Variants in KHDRBS2 observed in about 807,000 individuals in gnomAD.
KHDRBS2 encodes the protein KH RNA binding domain containing, signal transduction associated 2.
A neutral mutation model predicts 44.3 loss-of-function variants in KHDRBS2; 26 were observed. The ratio of observed to expected loss-of-function variants is 0.59; its 90% CI spans 0.43 to 0.81. KHDRBS2 has a LOEUF of 0.81. Among genes scored for constraint, KHDRBS2 ranks in the 40% least tolerant of loss-of-function variants. KHDRBS2 has a pLI of 0.00. For missense variants in KHDRBS2, 476 were observed against 433.1 expected (o/e 1.10, Z -0.88); for synonymous variants, 194 against 151.1 (o/e 1.28, Z -2.08).
the KHDRBS2 span, among the ~76,000 whole-genome samples, chr6:61,585,116 A>G: frequency 2.0e-5 from 3 of 152,000 alleles, no homozygotes; most frequent in African/African-American, 7.2e-5. Context: ...ACTTGAATGC[A>G]ATGTTATTTT....
intron 6 of KHDRBS2, among the ~76,000 whole-genome samples, chr6:61,822,212 A>C (rs1790027440): frequency 6.6e-6 from 1 of 151,924 alleles, no homozygotes; most frequent in Non-Finnish European, 1.5e-5. Context: ...CCTCCAAATC[A>C]GTCTATCGAA....
intron 2 of KHDRBS2, among the ~76,000 whole-genome samples, chr6:62,062,185 T>A (rs1440207595): frequency 6.7e-6 from 1 of 148,552 alleles, no homozygotes; most frequent in Non-Finnish European, 1.5e-5. Context: ...AATGGGAGAC[T>A]TTAACACCCC....
At chr6:61,560,857 T>C in the KHDRBS2 span, among the ~76,000 whole-genome samples, 2 of 152,176 alleles carry the variant, frequency 1.3e-5, no homozygotes, top group African/African-American at 4.8e-5. Flanking sequence ...TTTTCCTGGA[T>C]GGTGTTGATG....
intron 1 of KHDRBS2, among the ~76,000 whole-genome samples, chr6:62,251,560 T>TTTA (rs1440651612): frequency 6.6e-6 from 1 of 151,920 alleles, no homozygotes; most frequent in Admixed American, 6.6e-5. Context: ...TCCCTACACT[T>TTTA]ACAACAATTC....
intron 6 of KHDRBS2, among the ~76,000 whole-genome samples, chr6:61,745,599 T>C (rs1284013889): frequency 6.6e-6 from 1 of 152,154 alleles, no homozygotes; most frequent in African/African-American, 2.4e-5. Context: ...CAGATAAAAT[T>C]GTTAATGCTG....
intron 3 of KHDRBS2, among the ~76,000 whole-genome samples, chr6:62,045,699 A>C (rs1787520358): frequency 6.6e-6 from 1 of 152,040 alleles, no homozygotes; most frequent in African/African-American, 2.4e-5. Context: ...CTTTTATTGC[A>C]CAATCCCATG....
At chr6:61,771,987 A>C (rs889107137) in intron 6 of KHDRBS2, among the ~76,000 whole-genome samples, 23 of 152,152 alleles carry the variant, frequency 1.5e-4, no homozygotes, top group African/African-American at 4.3e-4. Context: ...AACAAACTGT[A>C]TCTCAGACCA....
intron 1 of KHDRBS2, among the ~76,000 whole-genome samples, chr6:62,271,224 A>T (rs543762219): frequency 6.6e-6 from 1 of 152,270 alleles, no homozygotes; most frequent in South Asian, 2.1e-4. Context: ...TTCAATCAAC[A>T]ATAAACCACA....
intron 6 of KHDRBS2, among the ~76,000 whole-genome samples, chr6:61,865,429 G>A (rs1241212997): frequency 1.3e-5 from 2 of 152,140 alleles, no homozygotes; most frequent in East Asian, 3.9e-4. Flanking sequence ...CAGGCAAAAA[G>A]AGAAAGCTTG....
At chr6:61,906,580 T>C (rs113219716) in intron 4 of KHDRBS2, among the ~76,000 whole-genome samples, 1,530 of 152,240 alleles carry the variant, frequency 0.01, 12 homozygotes, top group Middle Eastern at 0.017. Context: ...CTGGTAACCA[T>C]CATTCTACTC....
At chr6:61,944,013 C>A (rs909446461) in intron 4 of KHDRBS2, among the ~76,000 whole-genome samples, 5 of 151,990 alleles carry the variant, frequency 3.3e-5, no homozygotes, top group Admixed American at 6.6e-5. Context: ...ACAAACAAAC[C>A]CACGAATGCT....
At chr6:61,773,120 T>G (rs1562141886) in intron 6 of KHDRBS2, among the ~76,000 whole-genome samples, 2 of 152,158 alleles carry the variant, frequency 1.3e-5, no homozygotes, top group Non-Finnish European at 2.9e-5. Flanking sequence ...TGTGTCTTTA[T>G]AGCAGCATGA....
intron 2 of KHDRBS2, 58 bp downstream of exon 2, chr6:62,177,127 C>T (rs559014919): frequency 1.1e-4 from 111 of 1,000,842 alleles, no homozygotes; most frequent in Middle Eastern, 8.2e-4. Context: ...ATTAAAATAC[C>T]GTCTTCTTTT....
intron 3 of KHDRBS2, among the ~76,000 whole-genome samples, chr6:61,998,990 T>C (rs913657756): frequency 6.6e-6 from 1 of 152,164 alleles, no homozygotes; most frequent in African/African-American, 2.4e-5. Flanking sequence ...CTAAAATTTG[T>C]GTTTTCTTTG....
intron 1 of KHDRBS2, among the ~76,000 whole-genome samples, chr6:62,189,286 A>C (rs891908355): frequency 1.3e-5 from 2 of 151,996 alleles, no homozygotes; most frequent in Non-Finnish European, 2.9e-5. Flanking sequence ...CTTAGAAATA[A>C]GTCCTCTCTC....
intron 4 of KHDRBS2, among the ~76,000 whole-genome samples, chr6:61,962,693 A>G (rs1381136644): frequency 6.6e-6 from 1 of 152,028 alleles, no homozygotes; most frequent in African/African-American, 2.4e-5. Context: ...AAAAATGATC[A>G]TTTTCATTAT....
intron 4 of KHDRBS2, among the ~76,000 whole-genome samples, chr6:61,959,723 T>C (rs1345266041): frequency 6.6e-6 from 1 of 152,280 alleles, no homozygotes; most frequent in South Asian, 2.1e-4. Context: ...ATGGGTTAGG[T>C]AGAATGCAAT....
At chr6:61,748,389 G>A (rs950454683) in intron 6 of KHDRBS2, among the ~76,000 whole-genome samples, 5 of 152,074 alleles carry the variant, frequency 3.3e-5, no homozygotes, top group African/African-American at 1.2e-4. Context: ...ATTTTGCTTA[G>A]GGCTGATGAC....
intron 2 of KHDRBS2, among the ~76,000 whole-genome samples, chr6:62,143,623 T>C (rs568691262): frequency 6.6e-6 from 1 of 152,078 alleles, no homozygotes; most frequent in East Asian, 1.9e-4. Flanking sequence ...ATGCACTTTC[T>C]TCTATAGGAC....
Sources: allele counts gnomAD v4.1 joint callset (sites outside exome capture counted in the v4.1 genomes callset), GRCh38; gene constraint gnomAD v4.1.1; transcripts MANE v1.5; gene names NCBI Gene and HGNC (gene_info 2026-07-23, HGNC 2026-07-21).